Variants in GALNTL6 observed in about 807,000 individuals in gnomAD.
The protein encoded by GALNTL6 is polypeptide N-acetylgalactosaminyltransferase like 6.
GALNTL6 carries 46 observed loss-of-function variants against 73.7 expected under a neutral mutation model. That is an observed-to-expected ratio of 0.62 (90% CI 0.49 to 0.80). The LOEUF (loss-of-function observed/expected upper bound fraction) is 0.80, where lower values mean the gene tolerates loss of function less well. Among genes scored for constraint, GALNTL6 ranks in the 30% least tolerant of loss-of-function variants. The pLI is 0.00. For missense variants in GALNTL6, 604 were observed against 755.0 expected, an observed-to-expected ratio of 0.80 and a Z score of 2.34; for synonymous variants, 259 against 263.7, an observed-to-expected ratio of 0.98 and a Z score of 0.17.
intron 7 of GALNTL6, among the ~76,000 whole-genome samples, chr4:172,852,759 A>T (rs931995239): frequency 6.6e-6 from 1 of 152,198 alleles, no homozygotes; most frequent in African/African-American, 2.4e-5. Flanking sequence ...TGGTATTGTA[A>T]TGGAGTTATA....
intron 5 of GALNTL6, among the ~76,000 whole-genome samples, chr4:172,687,252 C>T (rs1474336222): frequency 6.6e-6 from 1 of 152,052 alleles, no homozygotes; most frequent in Non-Finnish European, 1.5e-5. Flanking sequence ...AAATTTACAC[C>T]TGAAATTTCC....
At chr4:172,425,733 T>C (rs986621043) in intron 5 of GALNTL6, among the ~76,000 whole-genome samples, 2 of 152,052 alleles carry the variant, frequency 1.3e-5, no homozygotes, top group East Asian at 3.9e-4. Context: ...GAGACCTTAT[T>C]AAGTAGTTAA....
intron 12 of GALNTL6, among the ~76,000 whole-genome samples, chr4:173,026,940 G>A (rs1384886610): frequency 6.6e-6 from 1 of 152,062 alleles, no homozygotes; most frequent in African/African-American, 2.4e-5. Flanking sequence ...ATTGCTTAAT[G>A]TTCTACATTT....
At chr4:171,884,570 T>C (rs972246080) in intron 2 of GALNTL6, among the ~76,000 whole-genome samples, 1 of 151,498 alleles carries the variant, frequency 6.6e-6, no homozygotes, top group Non-Finnish European at 1.5e-5. Context: ...TCTGTTGGAG[T>C]CAGTCTGTTG....
At chr4:171,889,844 G>T (rs1736712123) in intron 2 of GALNTL6, among the ~76,000 whole-genome samples, 2 of 152,032 alleles carry the variant, frequency 1.3e-5, no homozygotes, top group Admixed American at 6.6e-5. Context: ...GAACAGGTGT[G>T]ATGTAAAAGT....
chr4:172,047,902 G>A (rs1742265256), intron 2 of GALNTL6, among the ~76,000 whole-genome samples: 1 of 152,056 alleles, frequency 6.6e-6, no homozygotes, highest in African/African-American at 2.4e-5. Context: ...TTTAAATGAA[G>A]CAAGAATGAG....
chr4:172,677,720 G>A (rs571271245), intron 5 of GALNTL6, among the ~76,000 whole-genome samples: 13 of 151,888 alleles, frequency 8.6e-5, no homozygotes, highest in Middle Eastern at 3.4e-3. Flanking sequence ...TCCAGGAGTT[G>A]GAGATCAGCC....
intron 2 of GALNTL6, among the ~76,000 whole-genome samples, chr4:172,001,799 A>G (rs144611428): frequency 2.1e-4 from 32 of 152,330 alleles, no homozygotes; most frequent in African/African-American, 6.7e-4. Flanking sequence ...TTTCTGGATC[A>G]CAGGAAACGT....
intron 5 of GALNTL6, among the ~76,000 whole-genome samples, chr4:172,422,506 T>C (rs969998064): frequency 3.3e-5 from 5 of 152,016 alleles, no homozygotes; most frequent in African/African-American, 4.8e-5. Context: ...CTCTGCCACC[T>C]CTGATTGTTG....
intron 2 of GALNTL6, among the ~76,000 whole-genome samples, chr4:172,166,665 A>C (rs901868144): frequency 6.6e-6 from 1 of 152,186 alleles, no homozygotes; most frequent in Non-Finnish European, 1.5e-5. Flanking sequence ...TGTGTCCTAC[A>C]AAGCAAGTAT....
rs924328366 is a variant in GALNTL6 at position 172,106,888 on chromosome 4, T to G, written c.139-122768T>G. ...TTGTGTTTTTGTTTGTTTGTTTGTT[T>G]TTGAGATGGAGTTTCACTCTTGTTG... On this transcript the variant is annotated intron_variant, in intron 2 of 12. Transcript: ENST00000506823. Among the ~76,000 whole-genome samples, 78 of 152,270 alleles carry G rather than the reference T, an allele frequency of 5.1e-4. 1 individual carries two copies. Among genetic ancestry groups the G allele is most frequent in the African/African-American group, 1.9e-3 (77 of 41,522 alleles).
chr4:172,217,783 G>A (rs919571557), intron 2 of GALNTL6, among the ~76,000 whole-genome samples: 2 of 151,972 alleles, frequency 1.3e-5, no homozygotes, highest in African/African-American at 4.8e-5. Context: ...GATTTGTCTC[G>A]TCAGACTGTT....
intron 5 of GALNTL6, among the ~76,000 whole-genome samples, chr4:172,698,855 TA>T (rs1444459147): frequency 1.2e-4 from 19 of 152,300 alleles, no homozygotes; most frequent in African/African-American, 4.3e-4. Flanking sequence ...CTGTATGCCA[TA>T]AATATGGATG....
chr4:172,467,854 CTTT>C (rs1732886848), intron 5 of GALNTL6, among the ~76,000 whole-genome samples: 2 of 141,052 alleles, frequency 1.4e-5, no homozygotes, highest in African/African-American at 2.6e-5. Context: ...TTCTTTCTTT[CTTT>C]CTTTCTTTCC....
chr4:172,402,808 G>A (rs375242979), intron 5 of GALNTL6, among the ~76,000 whole-genome samples: 6 of 152,090 alleles, frequency 3.9e-5, no homozygotes, highest in African/African-American at 1.2e-4. Context: ...TAAGAGAAAC[G>A]AAGTTGAGGG....
intron 5 of GALNTL6, among the ~76,000 whole-genome samples, chr4:172,524,248 T>A (rs1734877918): frequency 6.6e-6 from 1 of 151,968 alleles, no homozygotes; most frequent in Non-Finnish European, 1.5e-5. Flanking sequence ...CTCATTTATT[T>A]ATTTATTTAT....
At chr4:172,994,536 T>A (rs1751691342) in intron 10 of GALNTL6, among the ~76,000 whole-genome samples, 1 of 152,230 alleles carries the variant, frequency 6.6e-6, no homozygotes, top group South Asian at 2.1e-4. Context: ...TTACAAATGT[T>A]ACATTACAGT....
chr4:172,699,807 CA>C (rs35150003), intron 5 of GALNTL6, among the ~76,000 whole-genome samples: 50,933 of 151,862 alleles, frequency 0.34, 9,166 homozygotes, highest in Middle Eastern at 0.48. Context: ...TGATGTATTA[CA>C]AAAAGAAAAA....
chr4:172,236,776 G>A (rs570776673), intron 3 of GALNTL6, among the ~76,000 whole-genome samples: 73 of 118,400 alleles, frequency 6.2e-4, no homozygotes, highest in African/African-American at 2.2e-3. Context: ...TCTATAGATT[G>A]CAAGTTGTGG....
Sources: gnomAD v4.1 joint callset for allele counts (sites outside exome capture counted in the v4.1 genomes callset) on GRCh38, gnomAD v4.1.1 for gene constraint, MANE v1.5 for transcripts, NCBI Gene and HGNC (gene_info 2026-07-23, HGNC 2026-07-21) for gene names.